ARHGEF28: variants seen among roughly 807,000 people sequenced by gnomAD.
ARHGEF28 encodes Rho guanine nucleotide exchange factor 28.
Under a neutral mutation model 206.6 loss-of-function variants are expected in ARHGEF28, and 152 were observed. The observed-to-expected ratio is 0.74, with a 90% CI of 0.64 to 0.84. ARHGEF28 has a LOEUF of 0.84. Among genes scored for constraint, ARHGEF28 ranks in the 40% least tolerant of loss-of-function variants. The pLI is 0.00. For missense variants in ARHGEF28, 2,028 were observed against 2,073.2 expected (o/e 0.98, Z 0.42); for synonymous variants, 763 against 776.4 (o/e 0.98, Z 0.29).
chr5:73,854,520 G>T (rs1449204613), intron 14 of ARHGEF28, among the ~76,000 whole-genome samples: 6 of 152,094 alleles, frequency 3.9e-5, no homozygotes, highest in Admixed American at 3.9e-4. Flanking sequence ...TTTTCAATCT[G>T]CATAGCAGGA....
chr5:73,846,339 C>T lies in ARHGEF28; in HGVS notation c.1499C>T (p.Thr500Ile), dbSNP rs145750801. ...TCTGAGCCATCCCACATCTGTTACA[C>T]TCCAGGGTCTCAGAGCTCCTCAAGA... ...GHSEPSHICY[T>I]PGSQSSSRTG... Residue 500 changes from threonine (T) to isoleucine (I), a missense_variant, in exon 12 of 36, where the codon ACT becomes ATT. Physicochemically the swap from Thr to Ile is moderately conservative, Grantham distance 89. This residue lies in a region of ARHGEF28 where 1,002 missense variants were observed against 1,015.3 expected (regional missense o/e 0.99). Coordinates refer to ENST00000513042, the MANE Select transcript of ARHGEF28 (RefSeq NM_001177693.2). 43 of 1,613,894 alleles carry T rather than the reference C, an allele frequency of 2.7e-5. No individual in the cohort carries two copies. In the African/African-American group the frequency reaches 3.2e-4, roughly 12 times the overall value.
At chr5:73,903,702 C>T in intron 31 of ARHGEF28, 1 of 156,906 alleles carries the variant, frequency 6.4e-6, no homozygotes, top group South Asian at 1.9e-4. Context: ...CTACGCGCGC[C>T]ACTATGGCCA....
chr5:73,873,436 A>G (rs1376221153), intron 22 of ARHGEF28, among the ~76,000 whole-genome samples, 190 bp downstream of exon 22: 1 of 152,166 alleles, frequency 6.6e-6, no homozygotes, highest in African/African-American at 2.4e-5. Context: ...GATTACTGCT[A>G]TATTTCAGCA....
Position 73,887,589 on chromosome 5 carries a change from T to A in ARHGEF28, c.3311-14T>A, listed in dbSNP as rs778182495. 6.5e-7 allele frequency: 1 copy of A among 1,540,720 alleles called. No individual in the cohort carries two copies. On this transcript the variant is annotated splice_polypyrimidine_tract_variant and intron_variant, in intron 25 of 35. Transcript: ENST00000513042. Reference sequence around the variant, plus strand: ...GTTTGCTTCATTAATACTAGTAATGTTTTTTCTTTAAAGATATCCTAGCTC... The same window carrying A: ...GTTTGCTTCATTAATACTAGTAATGATTTTTCTTTAAAGATATCCTAGCTC...
intron 1 of ARHGEF28, among the ~76,000 whole-genome samples, chr5:73,648,257 A>G (rs1296910956): frequency 6.6e-6 from 1 of 152,206 alleles, no homozygotes; most frequent in Non-Finnish European, 1.5e-5. Context: ...TCAGAAAACA[A>G]TATGTCCAGT....
intron 6 of ARHGEF28, chr5:73,780,444 A>G: frequency 3.9e-6 from 2 of 517,288 alleles, no homozygotes; most frequent in South Asian, 4.7e-5. Context: ...CAGAAGCAAT[A>G]AAAGATTAGT....
At chr5:73,770,897 G>A (rs930759199) in intron 4 of ARHGEF28, among the ~76,000 whole-genome samples, 5 of 152,232 alleles carry the variant, frequency 3.3e-5, no homozygotes, top group African/African-American at 1.2e-4. Flanking sequence ...CATTGAACAA[G>A]ATGTGAGGAT....
intron 2 of ARHGEF28, among the ~76,000 whole-genome samples, chr5:73,724,610 C>T (rs1425902063): frequency 6.6e-6 from 1 of 152,194 alleles, no homozygotes; most frequent in Non-Finnish European, 1.5e-5. Flanking sequence ...TTCCCTATAG[C>T]TGTAAAAGAT....
chr5:73,855,858 A>G (rs1434550094), intron 14 of ARHGEF28, among the ~76,000 whole-genome samples: 1 of 151,858 alleles, frequency 6.6e-6, no homozygotes, highest in African/African-American at 2.4e-5. Flanking sequence ...GTAACAAGGG[A>G]GTTGGGAGTA....
At chr5:73,760,261 AG>A (rs1752533987) in intron 4 of ARHGEF28, among the ~76,000 whole-genome samples, 1 of 152,220 alleles carries the variant, frequency 6.6e-6, no homozygotes, top group Non-Finnish European at 1.5e-5. Flanking sequence ...AAACCCATAA[AG>A]GACAGATTTA....
intron 2 of ARHGEF28, among the ~76,000 whole-genome samples, chr5:73,745,552 T>TA (rs1751675915): frequency 6.6e-6 from 1 of 152,080 alleles, no homozygotes; most frequent in Non-Finnish European, 1.5e-5. Context: ...TGTTTGATGG[T>TA]AAAAAATGTT....
At chr5:73,660,715 T>G (rs2112189220) in intron 1 of ARHGEF28, among the ~76,000 whole-genome samples, 1 of 152,332 alleles carries the variant, frequency 6.6e-6, no homozygotes, top group Admixed American at 6.5e-5. Flanking sequence ...TACATCTCCA[T>G]CAGAGCTCTT....
Position 73,689,638 on chromosome 5 carries a change from T to C in ARHGEF28, c.33+4754T>C, listed in dbSNP as rs76611876. Among the ~76,000 whole-genome samples the C allele has an allele frequency of 9.9e-3, 1,507 of 152,318 alleles. 25 individuals carry two copies. Among genetic ancestry groups the C allele is most frequent in the African/African-American group, 0.034 (1,418 of 41,566 alleles). ...CAGCCAAGAGCTTTATAATATCACTTTGTGGAACCTAGGGATATATATGAG... is the reference window on the plus strand; with the variant it reads ...CAGCCAAGAGCTTTATAATATCACTCTGTGGAACCTAGGGATATATATGAG... On this transcript the variant is annotated intron_variant, in intron 2 of 35. Coordinates refer to ENST00000513042, the MANE Select transcript of ARHGEF28 (RefSeq NM_001177693.2).
At chr5:73,787,250 C>T (rs1205590879) in intron 7 of ARHGEF28, among the ~76,000 whole-genome samples, 1 of 152,178 alleles carries the variant, frequency 6.6e-6, no homozygotes, top group Non-Finnish European at 1.5e-5. Flanking sequence ...CTTGCATACA[C>T]AGCTCTACCT....
intron 2 of ARHGEF28, among the ~76,000 whole-genome samples, chr5:73,728,315 G>A (rs1036912781): frequency 6.6e-6 from 1 of 152,154 alleles, no homozygotes; most frequent in African/African-American, 2.4e-5. Context: ...TCAGGCTAGT[G>A]GCTGATTAAA....
intron 35 of ARHGEF28, among the ~76,000 whole-genome samples, chr5:73,932,800 C>CTTTTTTTTTTTTTTT: frequency 1.4e-5 from 1 of 73,436 alleles, no homozygotes; most frequent in Non-Finnish European, 2.5e-5. Flanking sequence ...TTTCCTATTT[C>CTTTTTTTTTTTTTTT]TTTTTTTTTT....
At chr5:73,671,779 G>C (rs1314839484) in intron 1 of ARHGEF28, among the ~76,000 whole-genome samples, 1 of 72,534 alleles carries the variant, frequency 1.4e-5, no homozygotes, top group Non-Finnish European at 2.7e-5. Context: ...TTTTTGAGAC[G>C]GAATCTCGCT....
At chr5:73,824,831 G>A (rs1410818747) in intron 9 of ARHGEF28, among the ~76,000 whole-genome samples, 2 of 152,034 alleles carry the variant, frequency 1.3e-5, no homozygotes, top group Admixed American at 6.5e-5. Context: ...CCAGCAGGTT[G>A]CACAGTACCT....
At chr5:73,654,119 G>C (rs1745018603) in intron 1 of ARHGEF28, among the ~76,000 whole-genome samples, 1 of 152,154 alleles carries the variant, frequency 6.6e-6, no homozygotes, top group African/African-American at 2.4e-5. Flanking sequence ...TCCTAGTCAT[G>C]TACCAGCCCC....
Sources: gnomAD v4.1 joint callset for allele counts (sites outside exome capture counted in the v4.1 genomes callset) on GRCh38, gnomAD v4.1.1 for gene constraint, gnomAD v4.1.1 regional missense constraint, MANE v1.5 for transcripts, NCBI Gene and HGNC (gene_info 2026-07-23, HGNC 2026-07-21) for gene names.